The following DLG1 variants were observed in gnomAD, a reference collection of about 807,000 sequenced individuals.
The protein encoded by DLG1 is discs large MAGUK scaffold protein 1.
In DLG1, 42 loss-of-function variants were observed where a neutral mutation model predicts 123.4. The observed-to-expected ratio is 0.34, with a 90% CI of 0.27 to 0.44. The LOEUF is 0.44. Among genes scored for constraint, DLG1 ranks in the 20% least tolerant of loss-of-function variants. The pLI is 1.00. For synonymous variants in DLG1, 317 were observed against 356.2 expected (o/e 0.89, Z 1.24); for missense variants, 942 against 1,082.6 (o/e 0.87, Z 1.82).
intron 5 of DLG1, among the ~76,000 whole-genome samples, chr3:197,168,835 G>C (rs2149998503): frequency 6.6e-6 from 1 of 152,238 alleles, no homozygotes; most frequent in South Asian, 2.1e-4. Context: ...GCAACATCAT[G>C]GAATCATTAG....
At chr3:197,226,293 G>T (rs1299454279) in intron 4 of DLG1, 1 of 151,898 alleles carries the variant, frequency 6.6e-6, no homozygotes, top group African/African-American at 2.4e-5. Flanking sequence ...ATCCAGCATC[G>T]GATTCACCAC....
chr3:197,070,611 A>AG (rs898029291), intron 18 of DLG1: 3 of 106,994 alleles, frequency 2.8e-5, no homozygotes, highest in African/African-American at 1.0e-4. Flanking sequence ...TTTGTTGCCC[A>AG]GGCTGGAGTG....
At chr3:197,192,237 C>T (rs750305201) in intron 5 of DLG1, among the ~76,000 whole-genome samples, 3 of 152,054 alleles carry the variant, frequency 2.0e-5, no homozygotes, top group African/African-American at 7.2e-5. Context: ...ATTAAACACG[C>T]TTCTAAGTAA....
rs565812597 is a variant in DLG1, at chr3:197,161,539, C to T, written c.484-11743G>A. ...ACTAACTGAAGCCCAAAGTAAATTA[C>T]CAAATTACAAAAAACAGCTCAAACA... On this transcript the variant is annotated intron_variant, in intron 5 of 24. Transcript: ENST00000667157. The T allele has an allele frequency of 3.7e-5, 25 of 678,860 alleles. No homozygotes were observed. The East Asian group carries it at 7.2e-4, about 19-fold the overall frequency. 42.1% of individuals were successfully genotyped at this position (678,860 alleles called of 1,614,324 possible).
chr3:197,047,339 A>G (rs1451724122), intron 24 of DLG1, among the ~76,000 whole-genome samples: 1 of 152,094 alleles, frequency 6.6e-6, no homozygotes, highest in Non-Finnish European at 1.5e-5. Context: ...ACACTTGAGG[A>G]ATTTGGGTGA....
At chr3:197,180,057 G>GTT (rs1188685543) in intron 5 of DLG1, among the ~76,000 whole-genome samples, 2 of 67,584 alleles carry the variant, frequency 3.0e-5, no homozygotes, top group Admixed American at 2.0e-4. Flanking sequence ...GGCATGTTGT[G>GTT]TTTTTTTTTT....
chr3:197,074,582 A>T (rs1364758947), intron 18 of DLG1, among the ~76,000 whole-genome samples: 1 of 152,106 alleles, frequency 6.6e-6, no homozygotes, highest in African/African-American at 2.4e-5. Flanking sequence ...TAAATTCTAT[A>T]GCATACATAA....
chr3:197,183,267 G>A (rs1022679505), intron 5 of DLG1, among the ~76,000 whole-genome samples: 2 of 152,036 alleles, frequency 1.3e-5, no homozygotes, highest in African/African-American at 2.4e-5. Context: ...ACAGCATTTA[G>A]CACAGTCTAA....
At chr3:197,268,036 A>G (rs1762428288) in intron 4 of DLG1, among the ~76,000 whole-genome samples, 1 of 152,352 alleles carries the variant, frequency 6.6e-6, no homozygotes, top group African/African-American at 2.4e-5. Context: ...TGACTTTCAC[A>G]TAATTGAAAA....
chr3:197,090,272 G>A (rs1407752457), intron 15 of DLG1, among the ~76,000 whole-genome samples: 8 of 149,018 alleles, frequency 5.4e-5, no homozygotes, highest in African/African-American at 9.9e-5. Flanking sequence ...AAATACATTC[G>A]GATTTCTGTT....
At chr3:197,187,449 G>T (rs1161783623) in intron 5 of DLG1, among the ~76,000 whole-genome samples, 1 of 152,118 alleles carries the variant, frequency 6.6e-6, no homozygotes, top group African/African-American at 2.4e-5. Context: ...ACTACTGGAT[G>T]AAATAAAATG....
chr3:197,127,147 G>A (rs1429039898), intron 11 of DLG1, among the ~76,000 whole-genome samples: 1 of 151,764 alleles, frequency 6.6e-6, no homozygotes, highest in Non-Finnish European at 1.5e-5. Context: ...AAATGGCCAG[G>A]TGCGGTGGCT....
chr3:197,214,973 G>T (rs570820734), intron 4 of DLG1, among the ~76,000 whole-genome samples: 184 of 152,272 alleles, frequency 1.2e-3, no homozygotes, highest in African/African-American at 4.2e-3. Context: ...GAAGGTGTGG[G>T]AAAACAGAAA....
intron 4 of DLG1, among the ~76,000 whole-genome samples, chr3:197,206,828 TAATAAATA>T (rs137952590): frequency 1.3e-5 from 2 of 151,168 alleles, no homozygotes; most frequent in Non-Finnish European, 1.5e-5. Context: ...TGTAAAAAAT[TAATAAATA>T]AATAAATAAA....
intron 15 of DLG1, among the ~76,000 whole-genome samples, chr3:197,089,274 T>C (rs1756288552): frequency 6.6e-6 from 1 of 152,152 alleles, no homozygotes; most frequent in South Asian, 2.1e-4. Flanking sequence ...ATGCCTGTAA[T>C]GCCAGCACTT....
intron 3 of DLG1, among the ~76,000 whole-genome samples, chr3:197,290,502 CAGATGA>C (rs1279919148): frequency 2.0e-5 from 3 of 152,230 alleles, no homozygotes; most frequent in African/African-American, 7.2e-5. Context: ...CAACAAAGAG[CAGATGA>C]CTCTGTGTAC....
chr3:197,277,929 C>T (rs1235917061), intron 4 of DLG1, among the ~76,000 whole-genome samples: 1 of 151,454 alleles, frequency 6.6e-6, no homozygotes, highest in African/African-American at 2.4e-5. Flanking sequence ...AGACCACCAC[C>T]AGGAGTCTGA....
intron 22 of DLG1, among the ~76,000 whole-genome samples, chr3:197,064,730 A>G (rs2148874570): frequency 6.6e-6 from 1 of 152,178 alleles, no homozygotes; most frequent in African/African-American, 2.4e-5. Flanking sequence ...GTGTTTTCCA[A>G]TAGTTTTTGG....
chr3:197,050,708 T>C (rs1726987875), intron 24 of DLG1, among the ~76,000 whole-genome samples: 1 of 152,192 alleles, frequency 6.6e-6, no homozygotes, highest in Non-Finnish European at 1.5e-5. Flanking sequence ...GCACAAACTT[T>C]CAGTTTTAAC....
Sources: allele counts gnomAD v4.1 joint callset (sites outside exome capture counted in the v4.1 genomes callset), GRCh38; gene constraint gnomAD v4.1.1; transcripts MANE v1.5; gene names NCBI Gene and HGNC (gene_info 2026-07-23, HGNC 2026-07-21).